Variants in CIMIP6 observed in about 807,000 individuals in gnomAD.
The protein encoded by CIMIP6 is uncharacterized protein C2orf73.
chr2:54,369,366 C>G, the CIMIP6 span, among the ~76,000 whole-genome samples: 1 of 152,138 alleles, frequency 6.6e-6, no homozygotes, highest in Non-Finnish European at 1.5e-5. Flanking sequence ...GCTGAAAAAT[C>G]TGGTTTCTAA....
chr2:54,331,000 C>T, the CIMIP6 span: 1 of 1,613,728 alleles, frequency 6.2e-7, no homozygotes, highest in Non-Finnish European at 8.5e-7. Context: ...AGATAAGCAT[C>T]AGTAAGTGCT....
chr2:54,371,243 T>A, the CIMIP6 span, among the ~76,000 whole-genome samples: 1 of 152,092 alleles, frequency 6.6e-6, no homozygotes, highest in African/African-American at 2.4e-5. Flanking sequence ...TGGGGAGGGT[T>A]GAGAGAGGGA....
the CIMIP6 span, among the ~76,000 whole-genome samples, chr2:54,380,055 A>G: frequency 6.6e-6 from 1 of 151,682 alleles, no homozygotes; most frequent in Non-Finnish European, 1.5e-5. Context: ...AGGTGGGAGG[A>G]TCGCTTGAGC....
the CIMIP6 span, chr2:54,381,827 G>A: frequency 1.3e-6 from 2 of 1,523,740 alleles, no homozygotes; most frequent in Non-Finnish European, 1.8e-6. Flanking sequence ...TTCAGTGGGT[G>A]TTCTTGTCTT....
chr2:54,381,792 A>G, the CIMIP6 span: 1 of 1,495,314 alleles, frequency 6.7e-7, no homozygotes, highest in East Asian at 2.5e-5. Context: ...TTGATTGTAA[A>G]CCATCAGACT....
chr2:54,336,118 C>T, the CIMIP6 span, among the ~76,000 whole-genome samples: 1 of 152,158 alleles, frequency 6.6e-6, no homozygotes, highest in African/African-American at 2.4e-5. Context: ...CATTATTCTA[C>T]CTACCCTTAC....
chr2:54,355,075 G>C, the CIMIP6 span, among the ~76,000 whole-genome samples: 7 of 151,900 alleles, frequency 4.6e-5, no homozygotes, highest in Admixed American at 6.6e-5. Flanking sequence ...CCATGTTTTT[G>C]AAATTTTGGC....
chr2:54,373,282 C>T, the CIMIP6 span, among the ~76,000 whole-genome samples: 17 of 152,188 alleles, frequency 1.1e-4, no homozygotes, highest in African/African-American at 4.1e-4. Context: ...GAACCTGCCG[C>T]GCATGCTTGT....
chr2:54,359,681 G>A, the CIMIP6 span, among the ~76,000 whole-genome samples: 2 of 151,878 alleles, frequency 1.3e-5, no homozygotes, highest in Non-Finnish European at 2.9e-5. Context: ...ACATGTGTGT[G>A]GCAGGGAGAT....
the CIMIP6 span, chr2:54,330,993 T>C: frequency 2.5e-6 from 4 of 1,613,720 alleles, no homozygotes; most frequent in Non-Finnish European, 3.4e-6. Flanking sequence ...AAAAGGAAGA[T>C]AAGCATCAGT....
chr2:54,376,764 C>T, the CIMIP6 span, among the ~76,000 whole-genome samples: 1 of 152,192 alleles, frequency 6.6e-6, no homozygotes, highest in Non-Finnish European at 1.5e-5. Flanking sequence ...ACCTCAACAG[C>T]CAGGGCCACC....
chr2:54,337,352 G>A, the CIMIP6 span, among the ~76,000 whole-genome samples: 2 of 152,216 alleles, frequency 1.3e-5, no homozygotes, highest in East Asian at 3.9e-4. Flanking sequence ...GCCATATTGA[G>A]GGTACTTCAT....
chr2:54,375,566 C>T, the CIMIP6 span, among the ~76,000 whole-genome samples: 1 of 152,132 alleles, frequency 6.6e-6, no homozygotes, highest in African/African-American at 2.4e-5. Flanking sequence ...CAAAATTGTA[C>T]ACGTGTATAT....
the CIMIP6 span, among the ~76,000 whole-genome samples, chr2:54,370,657 C>T: frequency 6.6e-6 from 1 of 152,260 alleles, no homozygotes; most frequent in South Asian, 2.1e-4. Context: ...GTTGAAGCAG[C>T]CTGTTGATCT....
the CIMIP6 span, chr2:54,361,494 GCTCA>G: frequency 6.6e-6 from 1 of 152,104 alleles, no homozygotes; most frequent in African/African-American, 2.4e-5. Context: ...AATATCAGCT[GCTCA>G]CTATTATCTG....
the CIMIP6 span, among the ~76,000 whole-genome samples, chr2:54,370,936 A>C: frequency 6.6e-6 from 1 of 152,176 alleles, no homozygotes; most frequent in Non-Finnish European, 1.5e-5. Flanking sequence ...ATTTTCAAAG[A>C]TTCCTTAGAT....
the CIMIP6 span, chr2:54,381,833 G>T: frequency 6.6e-7 from 1 of 1,525,916 alleles, no homozygotes; most frequent in African/African-American, 1.4e-5. Flanking sequence ...GGGTGTTCTT[G>T]TCTTCCTTCC....
chr2:54,331,608 T>A, the CIMIP6 span, among the ~76,000 whole-genome samples: 1 of 152,048 alleles, frequency 6.6e-6, no homozygotes, highest in African/African-American at 2.4e-5. Context: ...TCTGCTATCA[T>A]CTGCAGTGAT....
chr2:54,371,032 A>C, the CIMIP6 span, among the ~76,000 whole-genome samples: 1 of 152,188 alleles, frequency 6.6e-6, no homozygotes, highest in Admixed American at 6.5e-5. Context: ...TTCAGGAAAA[A>C]TTCCTCAGGG....
Sources: gnomAD v4.1 joint callset for allele counts (sites outside exome capture counted in the v4.1 genomes callset) on GRCh38, gnomAD v4.1.1 for gene constraint, MANE v1.5 for transcripts, NCBI Gene and HGNC (gene_info 2026-07-23, HGNC 2026-07-21) for gene names.